Variants in NRIP1 observed in about 807,000 individuals in gnomAD.
NRIP1 encodes the protein nuclear receptor-interacting protein 1.
In NRIP1, 28 loss-of-function variants were observed where a neutral mutation model predicts 75.0. The ratio of observed to expected loss-of-function variants is 0.37; its 90% CI spans 0.28 to 0.51. The LOEUF (loss-of-function observed/expected upper bound fraction) is 0.51. NRIP1 is among the 20% of genes least tolerant of loss of function. The pLI is 0.92. For missense variants in NRIP1, 1,435 were observed against 1,343.7 expected (o/e 1.07, Z -1.06); for synonymous variants, 526 against 487.6 (o/e 1.08, Z -1.04).
At chr21:15,020,975 C>A (rs969179330) in intron 2 of NRIP1, among the ~76,000 whole-genome samples, 2 of 151,834 alleles carry the variant, frequency 1.3e-5, no homozygotes, top group Non-Finnish European at 2.9e-5. Context: ...AATGGCATAA[C>A]CACTTGAAAA....
intron 2 of NRIP1, among the ~76,000 whole-genome samples, chr21:15,027,113 A>G (rs2088541376): frequency 6.6e-6 from 1 of 152,362 alleles, no homozygotes; most frequent in South Asian, 2.1e-4. Context: ...AAAAACATAA[A>G]GTAACATATT....
intron 1 of NRIP1, among the ~76,000 whole-genome samples, chr21:15,047,666 G>C (rs1247631884): frequency 6.6e-6 from 1 of 152,178 alleles, no homozygotes; most frequent in Non-Finnish European, 1.5e-5. Flanking sequence ...TCCCTCCCAG[G>C]ACACATGGGG....
chr21:14,980,714 T>G (rs914962375), intron 3 of NRIP1, among the ~76,000 whole-genome samples: 3 of 151,924 alleles, frequency 2.0e-5, no homozygotes, highest in African/African-American at 7.3e-5. Flanking sequence ...CCTTGCTAAA[T>G]CAAGTACCAC....
chr21:15,019,766 G>T (rs922801417), intron 2 of NRIP1, among the ~76,000 whole-genome samples: 15 of 151,874 alleles, frequency 9.9e-5, no homozygotes, highest in African/African-American at 3.1e-4. Context: ...GGGATGACAG[G>T]CATAAGCCAC....
intron 3 of NRIP1, among the ~76,000 whole-genome samples, chr21:15,014,054 A>G (rs1458663566): frequency 1.3e-5 from 2 of 152,150 alleles, no homozygotes; most frequent in Non-Finnish European, 2.9e-5. Context: ...TAATCTACAC[A>G]CTGAATTCTC....
At position 14,965,962 on chromosome 21, in the gene NRIP1, C is replaced by T. The variant is rs2086724305; in HGVS notation, c.2231G>A (p.Arg744Lys). Reference protein sequence around the residue: ...RDESTQEHSERALSEQILMVK... With the variant: ...RDESTQEHSEKALSEQILMVK... ...CATCAGTATTTGTTCACTTAAAGCT[C>T]TCTCTGAGTGTTCCTGAGTACTTTC... Residue 744 changes from arginine (R) to lysine (K), a missense_variant, in exon 4 of 4, where the codon AGA (arginine) becomes AAA (lysine). Physicochemically the swap from Arg to Lys is conservative, Grantham distance 26 (BLOSUM62 2). Transcript: ENST00000318948. 1.9e-6 allele frequency: 3 copies of T among 1,613,952 alleles called. No homozygotes were observed. The highest frequency in any genetic ancestry group is 2.5e-6 in the Non-Finnish European group (3 of 1,179,970).
intron 2 of NRIP1, among the ~76,000 whole-genome samples, chr21:15,024,860 T>G (rs1397948715): frequency 2.0e-5 from 3 of 152,142 alleles, no homozygotes; most frequent in African/African-American, 7.2e-5. Context: ...GTACGAAAGG[T>G]ATGAACTCGC....
chr21:14,978,193 G>A (rs566585716), intron 3 of NRIP1, among the ~76,000 whole-genome samples: 18 of 152,236 alleles, frequency 1.2e-4, no homozygotes, highest in East Asian at 5.8e-4. Context: ...AGCATTCAAC[G>A]CAAGGACACA....
chr21:15,038,812 C>T (rs528566993), intron 2 of NRIP1, among the ~76,000 whole-genome samples: 138 of 152,188 alleles, frequency 9.1e-4, no homozygotes, highest in African/African-American at 3.1e-3. Flanking sequence ...CTTCTCCATG[C>T]ATTCAATAAA....
chr21:15,049,363 G>A (rs2089155187), intron 1 of NRIP1, among the ~76,000 whole-genome samples: 1 of 152,040 alleles, frequency 6.6e-6, no homozygotes. Context: ...ACAATAGATT[G>A]ACAGATTAAC....
chr21:15,044,064 C>G (rs2089017919), intron 1 of NRIP1, among the ~76,000 whole-genome samples: 1 of 152,130 alleles, frequency 6.6e-6, no homozygotes, highest in Admixed American at 6.6e-5. Context: ...GGTGATCCAC[C>G]TGCCTCGGCC....
At chr21:15,014,551 AC>A (rs1018303474) in intron 2 of NRIP1, 85 bp from the exon 3 acceptor site, 44 of 397,942 alleles carry the variant, frequency 1.1e-4, no homozygotes, top group African/African-American at 8.2e-4. Context: ...TTATCCCATT[AC>A]CTTTTCTTGT....
intron 3 of NRIP1, among the ~76,000 whole-genome samples, chr21:14,983,926 T>C (rs1410290095): frequency 2.0e-5 from 3 of 152,226 alleles, no homozygotes; most frequent in South Asian, 2.1e-4. Flanking sequence ...TTACAGGCCA[T>C]GTACCTGTAC....
chr21:14,994,322 G>A (rs779477825), intron 3 of NRIP1, among the ~76,000 whole-genome samples: 13 of 152,124 alleles, frequency 8.5e-5, no homozygotes, highest in South Asian at 6.2e-4. Context: ...ACGAGGTTTC[G>A]CCATGTTGGC....
chr21:14,988,779 C>T (rs2087483771), intron 3 of NRIP1, among the ~76,000 whole-genome samples: 1 of 152,104 alleles, frequency 6.6e-6, no homozygotes, highest in East Asian at 1.9e-4. Flanking sequence ...CATTTCCTCT[C>T]TTGACATCTG....
At chr21:15,054,304 C>G (rs1421646475) in intron 1 of NRIP1, among the ~76,000 whole-genome samples, 2 of 152,144 alleles carry the variant, frequency 1.3e-5, no homozygotes, top group African/African-American at 4.8e-5. Context: ...GCTGGCGGGT[C>G]CCTTTGACTA....
chr21:14,979,706 G>A (rs1238217521), intron 3 of NRIP1, among the ~76,000 whole-genome samples: 1 of 151,996 alleles, frequency 6.6e-6, no homozygotes, highest in East Asian at 1.9e-4. Flanking sequence ...AATAGCGACG[G>A]GGTTTTACCT....
chr21:15,050,454 T>C (rs1184539288), intron 1 of NRIP1: 2 of 315,870 alleles, frequency 6.3e-6, no homozygotes, highest in African/African-American at 4.4e-5. Context: ...GATCTTCCCT[T>C]TCCTTGAATT....
chr21:15,006,190 T>C (rs2087968235), intron 3 of NRIP1, among the ~76,000 whole-genome samples: 1 of 152,100 alleles, frequency 6.6e-6, no homozygotes, highest in South Asian at 2.1e-4. Context: ...AAAAAATCAT[T>C]AGAATAGTGA....
Sources: allele counts gnomAD v4.1 joint callset (sites outside exome capture counted in the v4.1 genomes callset), GRCh38; gene constraint gnomAD v4.1.1; transcripts MANE v1.5; gene names NCBI Gene and HGNC (gene_info 2026-07-23, HGNC 2026-07-21).